The following TBC1D8 variants were observed in gnomAD, a reference collection of about 807,000 sequenced individuals.
TBC1D8 encodes TBC1 domain family member 8, also known as BUB2-like protein 1.
In TBC1D8, 65 loss-of-function variants were observed where a neutral mutation model predicts 118.8. The observed-to-expected ratio is 0.55, with a 90% CI of 0.45 to 0.67. TBC1D8 has a LOEUF of 0.67. Ranked by LOEUF, TBC1D8 falls within the 30% of genes least tolerant of loss-of-function variation. TBC1D8 has a pLI of 0.00. For synonymous variants in TBC1D8, 566 were observed against 595.8 expected (o/e 0.95, Z 0.73); for missense variants, 1,376 against 1,471.2 (o/e 0.94, Z 1.06).
intron 1 of TBC1D8, among the ~76,000 whole-genome samples, chr2:101,099,830 C>G (rs1031690827): frequency 3.3e-5 from 5 of 152,104 alleles, no homozygotes; most frequent in South Asian, 2.1e-4. Flanking sequence ...GTTAAAAACT[C>G]TCAATAAACT....
intron 4 of TBC1D8, among the ~76,000 whole-genome samples, chr2:101,052,393 C>T (rs865873007): frequency 5.9e-5 from 9 of 151,994 alleles, no homozygotes; most frequent in African/African-American, 1.2e-4. Flanking sequence ...AAACATCTGG[C>T]GGCTTGCTGT....
At chr2:101,028,785 A>G (rs1465758230) in intron 12 of TBC1D8, among the ~76,000 whole-genome samples, 2 of 152,096 alleles carry the variant, frequency 1.3e-5, no homozygotes, top group African/African-American at 4.8e-5. Context: ...CTGGCGCTCA[A>G]CCTAGTGGGC....
intron 2 of TBC1D8, among the ~76,000 whole-genome samples, chr2:101,088,379 C>T (rs1308361289): frequency 2.0e-5 from 3 of 152,036 alleles, no homozygotes; most frequent in South Asian, 2.1e-4. Flanking sequence ...ACTACAACCT[C>T]CTCCTCACCG....
chr2:101,021,708 G>C lies in TBC1D8; in HGVS notation c.2800C>G (p.Leu934Val). Residue 934 changes from leucine to valine, a missense_variant, in exon 17 of 20, where the codon CTA (leucine) becomes GTA (valine). Transcript: ENST00000409318. ...GGAGGGATATGAAGCCTGTATAATA[G>C]TTTAATCTTCTCATTCATTTCTCCA... Reference protein sequence around the residue: ...YNGEMNEKIKLLYRLHIPPAL... With the variant: ...YNGEMNEKIKVLYRLHIPPAL... The C allele has an allele frequency of 6.2e-7, 1 of 1,600,572 alleles. No homozygotes were observed. Among genetic ancestry groups the C allele is most frequent in the African/African-American group, 1.3e-5 (1 of 74,928 alleles).
chr2:101,118,597 TG>T, intron 1 of TBC1D8, among the ~76,000 whole-genome samples: 1 of 150,714 alleles, frequency 6.6e-6, no homozygotes, highest in Middle Eastern at 3.5e-3. Flanking sequence ...CTCGGGAGGT[TG>T]AGGCAGGAGA....
At chr2:101,132,438 C>CCCA in intron 1 of TBC1D8, among the ~76,000 whole-genome samples, 1 of 152,300 alleles carries the variant, frequency 6.6e-6, no homozygotes, top group African/African-American at 2.4e-5. Context: ...CCCTTCAGTA[C>CCCA]AGTATGTATT....
chr2:101,017,874 A>C (rs910831911), intron 17 of TBC1D8: 1 of 1,550,842 alleles, frequency 6.4e-7, no homozygotes, highest in African/African-American at 1.4e-5. Flanking sequence ...CAAAACGATG[A>C]TCTCTTCAAA....
chr2:101,037,720 G>GAGAGAC lies in TBC1D8; in HGVS notation c.1276-18_1276-13dup, dbSNP rs756511687. On this transcript the variant is annotated splice_polypyrimidine_tract_variant and intron_variant, in intron 7 of 19. Transcript: ENST00000409318. The stretch of plus-strand genomic sequence containing the variant: ...AACACGAGTGAAGCCTGCACAGCAA[G>GAGAGAC]AGAGACAGAGACAGAGAGAGAGAGG... The GAGAGAC allele has an allele frequency of 5.0e-6, 8 of 1,611,686 alleles. No homozygotes were observed. Among genetic ancestry groups the GAGAGAC allele is most frequent in the Middle Eastern group, 1.7e-4 (1 of 6,060 alleles).
chr2:101,045,949 C>T (rs1196660834), intron 5 of TBC1D8, among the ~76,000 whole-genome samples: 3 of 152,090 alleles, frequency 2.0e-5, no homozygotes, highest in African/African-American at 7.2e-5. Flanking sequence ...GCTGAGATCA[C>T]GCCACCGCAC....
chr2:101,021,666 C>T lies in TBC1D8; in HGVS notation c.2827+15G>A. 6.4e-7 allele frequency: 1 copy of T among 1,573,470 alleles called. No homozygotes were observed. Among genetic ancestry groups the T allele is most frequent in the Non-Finnish European group, 8.7e-7 (1 of 1,147,234 alleles). On this transcript the variant is annotated intron_variant, in intron 17 of 19. Transcript: ENST00000409318. ...AGCAGAGCACAGTCTGATTTTGCTACTTGGACTTTCTTACCTGGAGGGATA... is the reference window on the plus strand; with the variant it reads ...AGCAGAGCACAGTCTGATTTTGCTATTTGGACTTTCTTACCTGGAGGGATA...
intron 1 of TBC1D8, among the ~76,000 whole-genome samples, chr2:101,092,100 A>G (rs967574163): frequency 2.0e-5 from 3 of 152,238 alleles, no homozygotes; most frequent in African/African-American, 2.4e-5. Flanking sequence ...TTTTGCTACA[A>G]TGGATCCAGT....
chr2:101,038,795 C>T, intron 6 of TBC1D8, 140 bp from the exon 7 acceptor site: 1 of 934,638 alleles, frequency 1.1e-6, no homozygotes. Flanking sequence ...GAAAGTGGCA[C>T]TGCTCACCCC....
rs199841935 is a variant in TBC1D8 at position 101,059,399 on chromosome 2, A to G, written c.402+22T>C. The G allele has an allele frequency of 1.6e-5, 25 of 1,549,362 alleles. 1 individual carries two copies. Among genetic ancestry groups the G allele is most frequent in the Non-Finnish European group, 2.1e-5 (24 of 1,121,614 alleles). ...AAGAAAGATGGAAAGATGGGGAGAA[A>G]CATGAAACTCAGGGGACCTACCTTT... On this transcript the variant is annotated intron_variant, in intron 3 of 19. Transcript: ENST00000409318.
At chr2:101,085,535 C>T (rs1355020833) in intron 2 of TBC1D8, among the ~76,000 whole-genome samples, 3 of 152,322 alleles carry the variant, frequency 2.0e-5, no homozygotes, top group South Asian at 2.1e-4. Context: ...AGTCACACTA[C>T]GTTAGCGCCA....
intron 2 of TBC1D8, among the ~76,000 whole-genome samples, chr2:101,065,946 A>G (rs939888350): frequency 3.3e-5 from 5 of 152,200 alleles, no homozygotes; most frequent in Non-Finnish European, 7.3e-5. Flanking sequence ...GAAATGACAC[A>G]AAAAATAGAA....
intron 1 of TBC1D8, among the ~76,000 whole-genome samples, chr2:101,123,338 G>A (rs1678211054): frequency 1.3e-5 from 2 of 152,084 alleles, no homozygotes; most frequent in Non-Finnish European, 2.9e-5. Context: ...TCTTTCTCTT[G>A]CCCGATTGCT....
At chr2:101,062,178 C>T (rs563960084) in intron 2 of TBC1D8, among the ~76,000 whole-genome samples, 4 of 152,346 alleles carry the variant, frequency 2.6e-5, no homozygotes, top group South Asian at 2.1e-4. Context: ...TCCACCCAAG[C>T]TGATAATCTT....
At chr2:101,071,324 G>C (rs1307453868) in intron 2 of TBC1D8, among the ~76,000 whole-genome samples, 1 of 151,910 alleles carries the variant, frequency 6.6e-6, no homozygotes, top group Non-Finnish European at 1.5e-5. Context: ...CAGCCAGGGC[G>C]ACACAGCGAG....
At chr2:101,041,307 T>A (rs544887959) in intron 5 of TBC1D8, among the ~76,000 whole-genome samples, 51 of 152,258 alleles carry the variant, frequency 3.3e-4, no homozygotes, top group Non-Finnish European at 6.5e-4. Context: ...GATAAGTGGA[T>A]AAACAAAATG....
Sources: allele counts gnomAD v4.1 joint callset (sites outside exome capture counted in the v4.1 genomes callset), GRCh38; gene constraint gnomAD v4.1.1; transcripts MANE v1.5; gene names NCBI Gene and HGNC (gene_info 2026-07-23, HGNC 2026-07-21).